The following LHFPL3 variants were observed in gnomAD, a reference collection of about 807,000 sequenced individuals.
LHFPL3 encodes LHFPL tetraspan subfamily member 3, also known as LHFPL tetraspan subfamily member 3 protein.
In LHFPL3, 5 loss-of-function variants were observed where a neutral mutation model predicts 19.3. The ratio of observed to expected loss-of-function variants is 0.26; its 90% CI spans 0.14 to 0.54. The LOEUF is 0.54. LHFPL3 is among the 20% of genes least tolerant of loss of function. The pLI, the probability that LHFPL3 is intolerant of heterozygous loss-of-function variation, is 0.94. For synonymous variants in LHFPL3, 133 were observed against 126.2 expected, an observed-to-expected ratio of 1.05 and a Z score of -0.36; for missense variants, 249 against 307.4, an observed-to-expected ratio of 0.81 and a Z score of 1.42.
chr7:104,459,161 TTAAGTAACTTC>T (rs1483848833), intron 1 of LHFPL3, among the ~76,000 whole-genome samples: 2 of 152,258 alleles, frequency 1.3e-5, no homozygotes, highest in Non-Finnish European at 2.9e-5. Context: ...CTTTGGTTTC[TTAAGTAACTTC>T]TACCACCTGT....
intron 1 of LHFPL3, among the ~76,000 whole-genome samples, chr7:104,475,234 A>G (rs1792987876): frequency 6.6e-6 from 1 of 152,294 alleles, no homozygotes; most frequent in South Asian, 2.1e-4. Context: ...ATTCATGGGA[A>G]TAAAATGGTG....
chr7:104,347,342 C>A (rs1378273045), intron 1 of LHFPL3, among the ~76,000 whole-genome samples: 1 of 152,056 alleles, frequency 6.6e-6, no homozygotes, highest in African/African-American at 2.4e-5. Context: ...CCATACTAGG[C>A]CTTTCTAGGG....
intron 1 of LHFPL3, among the ~76,000 whole-genome samples, chr7:104,690,205 G>T (rs937920175): frequency 1.3e-5 from 2 of 152,242 alleles, no homozygotes; most frequent in Non-Finnish European, 2.9e-5. Flanking sequence ...CCAAGTGGTG[G>T]CCCCAGTTGC....
chr7:104,546,190 A>G (rs1794576201), intron 1 of LHFPL3, among the ~76,000 whole-genome samples: 1 of 152,184 alleles, frequency 6.6e-6, no homozygotes, highest in African/African-American at 2.4e-5. Context: ...TCTTTAATAG[A>G]TGTATGCTGT....
chr7:104,452,919 G>A (rs1256528299), intron 1 of LHFPL3, among the ~76,000 whole-genome samples: 1 of 152,128 alleles, frequency 6.6e-6, no homozygotes, highest in Admixed American at 6.5e-5. Context: ...GATTACATTG[G>A]TGTCTGATGT....
chr7:104,623,834 T>G (rs1429505297), intron 1 of LHFPL3, among the ~76,000 whole-genome samples: 1 of 152,124 alleles, frequency 6.6e-6, no homozygotes, highest in Non-Finnish European at 1.5e-5. Context: ...TTTTGGACCT[T>G]CCAGATATTC....
intron 1 of LHFPL3, among the ~76,000 whole-genome samples, chr7:104,450,706 A>G (rs910208967): frequency 6.6e-6 from 1 of 152,196 alleles, no homozygotes; most frequent in African/African-American, 2.4e-5. Flanking sequence ...CATGTACCCC[A>G]GAACTTAAAG....
At chr7:104,462,099 T>C (rs1413976813) in intron 1 of LHFPL3, among the ~76,000 whole-genome samples, 1 of 152,264 alleles carries the variant, frequency 6.6e-6, no homozygotes, top group African/African-American at 2.4e-5. Context: ...TTGTATATCC[T>C]GAAACTGTGC....
chr7:104,761,042 A>G (rs748841964), intron 2 of LHFPL3, among the ~76,000 whole-genome samples: 3 of 152,202 alleles, frequency 2.0e-5, no homozygotes, highest in Non-Finnish European at 2.9e-5. Context: ...TGATATCAGC[A>G]TGAAAAATGG....
At chr7:104,573,812 CTT>C (rs1305679850) in intron 1 of LHFPL3, among the ~76,000 whole-genome samples, 2 of 152,242 alleles carry the variant, frequency 1.3e-5, no homozygotes, top group Non-Finnish European at 1.5e-5. Context: ...CAATGCTTTG[CTT>C]TGCACACTGT....
chr7:104,830,892 G>C (rs927550447), intron 2 of LHFPL3, among the ~76,000 whole-genome samples: 2 of 151,786 alleles, frequency 1.3e-5, no homozygotes, highest in African/African-American at 4.9e-5. Context: ...GCTTCCCTTT[G>C]GATAGGATGG....
At chr7:104,598,524 C>A (rs1007541234) in intron 1 of LHFPL3, among the ~76,000 whole-genome samples, 11 of 152,180 alleles carry the variant, frequency 7.2e-5, no homozygotes, top group Non-Finnish European at 1.5e-4. Flanking sequence ...CAGTGAAGAG[C>A]AAAGTTCATG....
chr7:104,579,146 G>T (rs964331421), intron 1 of LHFPL3, among the ~76,000 whole-genome samples: 2 of 152,116 alleles, frequency 1.3e-5, no homozygotes, highest in Non-Finnish European at 2.9e-5. Flanking sequence ...CTATTGGAAG[G>T]CAATATGCTT....
At chr7:104,903,039 G>A (rs539763305) in intron 2 of LHFPL3, among the ~76,000 whole-genome samples, 4 of 152,174 alleles carry the variant, frequency 2.6e-5, no homozygotes, top group South Asian at 2.1e-4. Context: ...CTGCCCTGCC[G>A]GAGGCTTCCT....
chr7:104,538,816 C>G (rs768517891), intron 1 of LHFPL3, among the ~76,000 whole-genome samples: 2 of 150,604 alleles, frequency 1.3e-5, no homozygotes, highest in African/African-American at 2.4e-5. Context: ...CAACTTTGCA[C>G]GTGAGATTAA....
At chr7:104,591,377 T>A (rs980401396) in intron 1 of LHFPL3, among the ~76,000 whole-genome samples, 2 of 152,240 alleles carry the variant, frequency 1.3e-5, no homozygotes, top group African/African-American at 2.4e-5. Context: ...CTTATGAAGC[T>A]TAGTTTGGCT....
intron 1 of LHFPL3, among the ~76,000 whole-genome samples, chr7:104,630,396 G>A (rs1374998731): frequency 6.6e-6 from 1 of 152,112 alleles, no homozygotes; most frequent in African/African-American, 2.4e-5. Context: ...ATGAATGGGT[G>A]GATGTGAGAA....
intron 1 of LHFPL3, among the ~76,000 whole-genome samples, chr7:104,627,757 T>C (rs1402758665): frequency 6.6e-6 from 1 of 152,194 alleles, no homozygotes; most frequent in Non-Finnish European, 1.5e-5. Flanking sequence ...CCTTGCACAC[T>C]GTAGCTGCTG....
At chr7:104,541,103 G>GACACACACACACACAC (rs58831498) in intron 1 of LHFPL3, among the ~76,000 whole-genome samples, 49 of 134,620 alleles carry the variant, frequency 3.6e-4, no homozygotes, top group Non-Finnish European at 2.5e-4. Flanking sequence ...TCCTCCCCAT[G>GACACACACACACACAC]ACACACACAC....
Sources: gnomAD v4.1 joint callset for allele counts (sites outside exome capture counted in the v4.1 genomes callset) on GRCh38, gnomAD v4.1.1 for gene constraint, MANE v1.5 for transcripts, NCBI Gene and HGNC (gene_info 2026-07-23, HGNC 2026-07-21) for gene names.